The following DIXDC1 variants were observed in gnomAD, a reference collection of about 807,000 sequenced individuals.
DIXDC1 encodes DIX domain containing 1.
Under a neutral mutation model 103.1 loss-of-function variants are expected in DIXDC1, and 64 were observed. That is an observed-to-expected ratio of 0.62 (90% CI 0.51 to 0.76). DIXDC1 has a LOEUF of 0.76. Ranked by LOEUF, DIXDC1 falls within the 30% of genes least tolerant of loss-of-function variation. The probability of loss-of-function intolerance (pLI) is 0.00; values close to 1 mark genes in which losing one functional copy is unlikely to be tolerated. For synonymous variants in DIXDC1, 266 were observed against 298.5 expected (o/e 0.89, Z 1.12); for missense variants, 759 against 834.2 (o/e 0.91, Z 1.11).
At position 111,977,532 on chromosome 11, in the gene DIXDC1, G is replaced by C. The variant is rs587725627; in HGVS notation, c.656+2549G>C. On this transcript the variant is annotated intron_variant, in intron 5 of 19. Coordinates refer to ENST00000440460, the MANE Select transcript of DIXDC1 (RefSeq NM_001037954.4). This position sits in a 1 kb window ranked among gnomAD's most constrained non-coding sequence, Gnocchi z 6.1. ...GGGCTGCTGCACAGTCTGAGCGGCC[G>C]GGACTGCGCGCTTCAGAGCCTGGAG... 3 of 1,425,670 alleles carry C rather than the reference G, an allele frequency of 2.1e-6. No homozygotes were observed. In the South Asian group the frequency reaches 4.4e-5, roughly 21 times the overall value. The allele number at this position is 1,425,670 out of a possible 1,614,324, so 88.3% of individuals were successfully genotyped here. A position where few individuals can be genotyped will look rare whatever the true frequency, so the allele number is the denominator to read the frequency against.
Position 111,996,066 on chromosome 11 carries a change from G to C in DIXDC1, c.1690-14G>C. The C allele has an allele frequency of 6.2e-7, 1 of 1,612,836 alleles. No homozygotes were observed. The highest frequency in any genetic ancestry group is 8.5e-7 in the Non-Finnish European group (1 of 1,179,454). On this transcript the variant is annotated splice_polypyrimidine_tract_variant and intron_variant, in intron 16 of 19. Transcript: ENST00000440460. ...ATTGATCATAACTCTTGTGATTTTT[G>C]TGTGGCTCCCCAGGTTCGGGTCAAG...
rs587654139 is a variant in DIXDC1 at position 111,983,125 on chromosome 11, C to T, written c.918+638C>T. ...CTCATTCTTGTCTTTGTGTGTCTGT[C>T]TCTGTTTGGGGGAGCGCTTATAGTG... On this transcript the variant is annotated intron_variant, in intron 7 of 19. Coordinates refer to ENST00000440460, the MANE Select transcript of DIXDC1 (RefSeq NM_001037954.4). 3.9e-5 allele frequency among the ~76,000 whole-genome samples: 6 copies of T among 152,306 alleles called. No individual in the cohort carries two copies. In the South Asian group the frequency reaches 1.2e-3, roughly 32 times the overall value.
chr11:111,986,757 T>G (rs1386435281), intron 8 of DIXDC1, 114 bp from the exon 9 acceptor site: 3 of 806,590 alleles, frequency 3.7e-6, no homozygotes, highest in South Asian at 2.1e-5. Context: ...TCCTGTTCTT[T>G]GTATCCACAG....
chr11:111,989,042 T>G lies in DIXDC1; in HGVS notation c.1100T>G (p.Leu367Ter). ...AAATGTAAACAAGAAGCCAGAAACT[T>G]ACAGGGGATAAAGGTAAAAAAGAAG... ...LLKCKQEARN[L>*]QGIKDALQQR... is the part of the protein sequence containing the mutation. The change falls in exon 10 of 20, where the codon TTA becomes TGA. Residue 367 changes from leucine to a stop codon, truncating the protein, a stop_gained. Coordinates refer to ENST00000440460, the MANE Select transcript of DIXDC1 (RefSeq NM_001037954.4). LOFTEE classifies it high-confidence loss of function. The G allele has an allele frequency of 6.2e-7, 1 of 1,610,370 alleles. No individual in the cohort carries two copies. Among genetic ancestry groups the G allele is most frequent in the Non-Finnish European group, 8.5e-7 (1 of 1,178,610 alleles).
At chr11:112,003,030 T>TA (rs1379590674) in intron 17 of DIXDC1, among the ~76,000 whole-genome samples, 4 of 151,670 alleles carry the variant, frequency 2.6e-5, no homozygotes, top group South Asian at 4.2e-4. Flanking sequence ...ATGTGGGAGC[T>TA]AAAAAAAATG....
chr11:111,931,565 C>T (rs1380704725), intron 2 of DIXDC1, among the ~76,000 whole-genome samples: 1 of 152,134 alleles, frequency 6.6e-6, no homozygotes, highest in Non-Finnish European at 1.5e-5. Context: ...ATCACTTGAA[C>T]CCGGGAGGCA....
intron 3 of DIXDC1, among the ~76,000 whole-genome samples, chr11:111,972,292 A>G (rs1859962442): frequency 6.6e-6 from 1 of 152,228 alleles, no homozygotes. Flanking sequence ...TTTCTAGGGC[A>G]AAATTTAGAG....
rs1966250771 is a variant in DIXDC1 at position 111,937,515 on chromosome 11, A to C, written c.16A>C (p.Thr6Pro). ...AGCAGGAACAATGCTAGCCTGCCTG[A>C]CCCGAGGGAACTTACTGGACGTCCT... MLACL[T>P]RGNLLDVLQE... The change falls in exon 1 of 20, where the codon ACC becomes CCC. Residue 6 changes from threonine to proline, a missense_variant. Around this residue, in one of 3 missense-constraint regions of DIXDC1, gnomAD observed 97 missense variants for 85.4 expected, o/e 1.14. Transcript: ENST00000440460. 2.5e-6 allele frequency: 4 copies of C among 1,594,844 alleles called. No homozygotes were observed. The East Asian group carries it at 9.1e-5, about 36-fold the overall frequency.
Position 111,968,502 on chromosome 11 carries a change from T to C in DIXDC1, c.191-11T>C. 1.9e-6 allele frequency: 3 copies of C among 1,611,312 alleles called. No individual in the cohort carries two copies. Among genetic ancestry groups the C allele is most frequent in the Non-Finnish European group, 2.5e-6 (3 of 1,178,602 alleles). On this transcript the variant is annotated splice_polypyrimidine_tract_variant and intron_variant, in intron 2 of 19. Coordinates refer to ENST00000440460, the MANE Select transcript of DIXDC1 (RefSeq NM_001037954.4). Reference sequence around the variant, plus strand: ...TCCCTATAACTTCCTATATTTTCTCTCTCCTAACAGCAGGAGAAAAGCTGA... The same window carrying C: ...TCCCTATAACTTCCTATATTTTCTCCCTCCTAACAGCAGGAGAAAAGCTGA...
chr11:111,949,230 C>T (rs1966696307), intron 1 of DIXDC1, among the ~76,000 whole-genome samples: 1 of 152,060 alleles, frequency 6.6e-6, no homozygotes, highest in African/African-American at 2.4e-5. Context: ...CACCCCGCCC[C>T]CAGCTCTTGG....
intron 3 of DIXDC1, among the ~76,000 whole-genome samples, chr11:111,969,027 C>A (rs1555171844): frequency 6.6e-6 from 1 of 151,348 alleles, no homozygotes. Flanking sequence ...ACCCGCCTCG[C>A]CTTGGCCTCC....
chr11:111,931,880 T>A (rs587759006), intron 2 of DIXDC1, among the ~76,000 whole-genome samples: 1 of 152,276 alleles, frequency 6.6e-6, no homozygotes, highest in Non-Finnish European at 1.5e-5. Context: ...GATGTGGAGC[T>A]CTGACACCTG....
intron 17 of DIXDC1, among the ~76,000 whole-genome samples, chr11:112,013,982 C>G (rs1378898327): frequency 6.6e-6 from 1 of 152,026 alleles, no homozygotes; most frequent in Non-Finnish European, 1.5e-5. Context: ...GAGGGAGGTG[C>G]CAGGCTCTTT....
intron 17 of DIXDC1, among the ~76,000 whole-genome samples, chr11:112,009,811 A>G (rs1861358143): frequency 6.6e-6 from 1 of 152,212 alleles, no homozygotes; most frequent in African/African-American, 2.4e-5. Flanking sequence ...AACGTATCTC[A>G]AAATAATAAG....
At chr11:111,974,676 A>G (rs782527699) in intron 4 of DIXDC1, among the ~76,000 whole-genome samples, 200 bp from the exon 5 acceptor site, 1 of 151,974 alleles carries the variant, frequency 6.6e-6, no homozygotes, top group Non-Finnish European at 1.5e-5. Flanking sequence ...AGAGAGCAGG[A>G]CCCTGAGGTG....
rs587595943 is a variant in DIXDC1, at chr11:111,946,350, C to T, written c.60+8791C>T. On this transcript the variant is annotated intron_variant, in intron 1 of 19. Coordinates refer to ENST00000440460, the MANE Select transcript of DIXDC1 (RefSeq NM_001037954.4). Reference sequence around the variant, plus strand: ...GTCTCGATCTCCTGACCTCATGATCCGCCCGCCTTGGCCTCCCAAAGTGCT... The same window carrying T: ...GTCTCGATCTCCTGACCTCATGATCTGCCCGCCTTGGCCTCCCAAAGTGCT... 1.9e-3 allele frequency among the ~76,000 whole-genome samples: 282 copies of T among 152,144 alleles called. 5 individuals are homozygous for T. The highest frequency in any genetic ancestry group is 6.4e-3 in the African/African-American group (266 of 41,522).
At chr11:111,968,462 C>T (rs1859806203) in intron 2 of DIXDC1, 51 bp from the exon 3 acceptor site, 9 of 1,585,740 alleles carry the variant, frequency 5.7e-6, no homozygotes, top group East Asian at 2.3e-5. Flanking sequence ...TGCTATGAAA[C>T]TTTGATAATA....
Position 111,973,730 on chromosome 11 carries a change from A to G in DIXDC1, c.317-293A>G, listed in dbSNP as rs139802959. Among the ~76,000 whole-genome samples the G allele has an allele frequency of 3.3e-3, 501 of 152,342 alleles. 3 individuals carry two copies. The highest frequency in any genetic ancestry group is 5.9e-3 in the Non-Finnish European group (401 of 68,040). ...TCTTTTGTCAATCAAGTCTCAGTTTAGAACCCACTTCCTCTAGGAATCCTT... is the reference window on the plus strand; with the variant it reads ...TCTTTTGTCAATCAAGTCTCAGTTTGGAACCCACTTCCTCTAGGAATCCTT... On this transcript the variant is annotated intron_variant, in intron 3 of 19. Coordinates refer to ENST00000440460, the MANE Select transcript of DIXDC1 (RefSeq NM_001037954.4).
intron 3 of DIXDC1, among the ~76,000 whole-genome samples, chr11:111,970,820 C>G (rs976084207): frequency 7.9e-5 from 12 of 152,068 alleles, no homozygotes; most frequent in African/African-American, 2.9e-4. Flanking sequence ...AAATAAAGTT[C>G]CACACCTACA....
Sources: allele counts gnomAD v4.1 joint callset (sites outside exome capture counted in the v4.1 genomes callset), GRCh38; gene constraint gnomAD v4.1.1; regional missense constraint gnomAD v4.1.1; non-coding constraint Gnocchi (gnomAD v3.1); transcripts MANE v1.5; gene names NCBI Gene and HGNC (gene_info 2026-07-23, HGNC 2026-07-21).